Variants in XRRA1 observed in about 807,000 individuals in gnomAD.
The protein encoded by XRRA1 is X-ray radiation resistance associated 1, also known as X-ray radiation resistance-associated protein 1.
A neutral mutation model predicts 80.2 loss-of-function variants in XRRA1; 69 were observed. The observed-to-expected ratio is 0.86, with a 90% confidence interval of 0.71 to 1.05. XRRA1 has a LOEUF of 1.05. Ranked by LOEUF, XRRA1 falls within the 50% of genes least tolerant of loss-of-function variation. XRRA1 has a pLI of 0.00. For synonymous variants in XRRA1, 348 were observed against 389.9 expected (o/e 0.89, Z 1.27); for missense variants, 967 against 976.4 (o/e 0.99, Z 0.13).
intron 10 of XRRA1, among the ~76,000 whole-genome samples, chr11:74,889,217 T>C (rs1000903121): frequency 3.4e-4 from 51 of 152,146 alleles, no homozygotes; most frequent in African/African-American, 8.9e-4. Context: ...TGACAGAAAC[T>C]CTACAAGCCA....
chr11:74,870,441 C>T (rs1175109883), intron 10 of XRRA1, among the ~76,000 whole-genome samples: 14 of 152,202 alleles, frequency 9.2e-5, no homozygotes, highest in African/African-American at 7.2e-5. Flanking sequence ...TTCCTGTCGA[C>T]TGCCATGTCT....
intron 8 of XRRA1, 148 bp downstream of exon 8, chr11:74,921,066 G>A (rs1940609559): frequency 1.9e-6 from 2 of 1,065,782 alleles, no homozygotes; most frequent in Non-Finnish European, 1.3e-6. Flanking sequence ...GCGTGTGTCT[G>A]AGGCCTTTCT....
intron 8 of XRRA1, 143 bp from the exon 9 acceptor site, chr11:74,907,416 G>A (rs745748249): frequency 5.0e-6 from 5 of 1,003,640 alleles, no homozygotes; most frequent in Non-Finnish European, 7.2e-6. Context: ...GTCCCCATAG[G>A]GATGCACAGA....
rs1352091389 is a variant in XRRA1, at chr11:74,841,047, A to T, written c.*2153T>A. The stretch of plus-strand genomic sequence containing the variant: ...CTCAGGTAGAGAAAGTCTCCATAGT[A>T]TAAGTAAGTAATATGAATGTGGAAT... On this transcript the variant is annotated 3_prime_UTR_variant, in exon 19 of 19. Coordinates refer to ENST00000684022, the MANE Select transcript of XRRA1 (RefSeq NM_001378157.1). The T allele has an allele frequency of 6.6e-6, 1 of 152,154 alleles. No individual in the cohort carries two copies. Among genetic ancestry groups the T allele is most frequent in the African/African-American group, 2.4e-5 (1 of 41,450 alleles). The allele number at this position is 152,154 out of a possible 1,614,324, so 9.4% of individuals were successfully genotyped here.
intron 15 of XRRA1, among the ~76,000 whole-genome samples, chr11:74,847,767 A>G (rs2135436330): frequency 6.6e-6 from 1 of 152,316 alleles, no homozygotes; most frequent in Middle Eastern, 3.4e-3. Flanking sequence ...CCCAGGATCC[A>G]GAGGCAGCAT....
chr11:74,906,704 G>A (rs2054679985), intron 9 of XRRA1: 2 of 536,492 alleles, frequency 3.7e-6, no homozygotes, highest in Middle Eastern at 5.0e-4. Context: ...CTGGCACAAA[G>A]TAGTATTCAG....
At chr11:74,899,131 T>C (rs912945054) in intron 10 of XRRA1, among the ~76,000 whole-genome samples, 6 of 152,192 alleles carry the variant, frequency 3.9e-5, no homozygotes, top group East Asian at 1.9e-4. Flanking sequence ...TACAAACACA[T>C]AGAAATTAAA....
At chr11:74,928,737 G>A (rs866225270) in intron 6 of XRRA1, among the ~76,000 whole-genome samples, 41 of 152,246 alleles carry the variant, frequency 2.7e-4, no homozygotes, top group Middle Eastern at 6.8e-3. Context: ...AATATTTCTG[G>A]ATGTTTCCAA....
chr11:74,874,768 A>G (rs2045686477), intron 10 of XRRA1, among the ~76,000 whole-genome samples: 1 of 152,202 alleles, frequency 6.6e-6, no homozygotes, highest in South Asian at 2.1e-4. Context: ...GAACCTGAAC[A>G]TGACTGTGAA....
At chr11:74,868,729 C>A (rs1023548784) in intron 10 of XRRA1, among the ~76,000 whole-genome samples, 2 of 150,654 alleles carry the variant, frequency 1.3e-5, no homozygotes, top group Admixed American at 1.3e-4. Context: ...AGACATTAAA[C>A]CAACAAAGAT....
chr11:74,926,315 T>C (rs1348244767), intron 7 of XRRA1, among the ~76,000 whole-genome samples: 1 of 152,218 alleles, frequency 6.6e-6, no homozygotes, highest in Non-Finnish European at 1.5e-5. Flanking sequence ...AAACTCACTC[T>C]TGTAGAAGGT....
At chr11:74,947,742 T>A (rs754979747) in intron 1 of XRRA1, among the ~76,000 whole-genome samples, 3 of 152,210 alleles carry the variant, frequency 2.0e-5, no homozygotes, top group Non-Finnish European at 4.4e-5. Context: ...ATTTTCTTTT[T>A]AGTAATAATT....
At chr11:74,942,934 G>A (rs569506712) in intron 2 of XRRA1, among the ~76,000 whole-genome samples, 3 of 152,324 alleles carry the variant, frequency 2.0e-5, no homozygotes, top group South Asian at 2.1e-4. Flanking sequence ...GGGCAGACCC[G>A]CAGAGCCATC....
intron 7 of XRRA1, among the ~76,000 whole-genome samples, chr11:74,923,118 G>C (rs1941323048): frequency 6.6e-6 from 1 of 152,174 alleles, no homozygotes; most frequent in African/African-American, 2.4e-5. Flanking sequence ...TCACAGGGTA[G>C]GTAACATGTG....
chr11:74,919,794 C>A, intron 8 of XRRA1: 1 of 426,868 alleles, frequency 2.3e-6, no homozygotes, highest in South Asian at 2.0e-5. Flanking sequence ...CCAGGCTCAA[C>A]AAGGCTGTCT....
chr11:74,860,088 A>T (rs1439255810), intron 11 of XRRA1, among the ~76,000 whole-genome samples: 1 of 152,182 alleles, frequency 6.6e-6, no homozygotes, highest in African/African-American at 2.4e-5. Context: ...ATTAATCACT[A>T]TGGAATCTTG....
intron 12 of XRRA1, among the ~76,000 whole-genome samples, chr11:74,852,806 T>C (rs953468610): frequency 6.6e-6 from 1 of 152,162 alleles, no homozygotes; most frequent in Admixed American, 6.5e-5. Context: ...TTATTTGCAA[T>C]GGAAGAGTAT....
intron 2 of XRRA1, among the ~76,000 whole-genome samples, chr11:74,944,645 A>G (rs1296316307): frequency 6.6e-6 from 1 of 152,178 alleles, no homozygotes; most frequent in Non-Finnish European, 1.5e-5. Flanking sequence ...TGACTTTATT[A>G]TAATTGTTTG....
chr11:74,948,451 T>C (rs1194256789), intron 1 of XRRA1, among the ~76,000 whole-genome samples: 1 of 152,238 alleles, frequency 6.6e-6, no homozygotes, highest in African/African-American at 2.4e-5. Context: ...ATCCCCTGTA[T>C]CCGTTAGTAC....
Sources: gnomAD v4.1 joint callset for allele counts (sites outside exome capture counted in the v4.1 genomes callset) on GRCh38, gnomAD v4.1.1 for gene constraint, MANE v1.5 for transcripts, NCBI Gene and HGNC (gene_info 2026-07-23, HGNC 2026-07-21) for gene names.